The following GPSM2 variants were observed in gnomAD, a reference collection of about 807,000 sequenced individuals.
GPSM2 encodes G protein signaling modulator 2.
A neutral mutation model predicts 78.4 loss-of-function variants in GPSM2; 58 were observed. That is an observed-to-expected ratio of 0.74 (90% confidence interval 0.60 to 0.92). The LOEUF (loss-of-function observed/expected upper bound fraction) is 0.92, where lower values mean the gene tolerates loss of function less well. GPSM2 is among the 40% of genes least tolerant of loss of function. The probability of loss-of-function intolerance (pLI) is 0.00; values close to 1 mark genes in which losing one functional copy is unlikely to be tolerated. For synonymous variants in GPSM2, 224 were observed against 280.2 expected, an observed-to-expected ratio of 0.80 and a Z score of 2.00; for missense variants, 700 against 815.5, an observed-to-expected ratio of 0.86 and a Z score of 1.73.
intron 2 of GPSM2, among the ~76,000 whole-genome samples, chr1:108,891,040 A>G (rs1285608302): frequency 6.6e-6 from 1 of 152,184 alleles, no homozygotes; most frequent in African/African-American, 2.4e-5. Context: ...CTTCAGACCA[A>G]TCTGGGGTTG....
intron 14 of GPSM2, among the ~76,000 whole-genome samples, chr1:108,928,154 T>C (rs1651285140): frequency 6.6e-6 from 1 of 152,232 alleles, no homozygotes; most frequent in Non-Finnish European, 1.5e-5. Context: ...GGAAATCACA[T>C]ATCTGATAAA....
intron 7 of GPSM2, among the ~76,000 whole-genome samples, chr1:108,900,397 C>G (rs1429610285): frequency 6.6e-6 from 1 of 152,046 alleles, no homozygotes; most frequent in African/African-American, 2.4e-5. Flanking sequence ...TGCCACCACG[C>G]CCAGCTAATT....
chr1:108,930,870 GAC>G lies in GPSM2; in HGVS notation c.*932_*933del, dbSNP rs1039651006. The stretch of plus-strand genomic sequence containing the variant: ...CAAGCCACTGGACTCCAGCCTGAGT[GAC>G]AGAGCAAGACTCTGTCTCAAAAAAA... On this transcript the variant is annotated 3_prime_UTR_variant, in exon 15 of 15. Transcript: ENST00000264126. The G allele has an allele frequency of 1.4e-5, 2 of 147,730 alleles. No homozygotes were observed. The highest frequency in any genetic ancestry group is 5.2e-5 in the African/African-American group (2 of 38,332). 9.2% of individuals were successfully genotyped at this position (147,730 alleles called of 1,614,324 possible).
Position 108,910,815 on chromosome 1 carries a change from A to C in GPSM2, c.1193-3523A>C, listed in dbSNP as rs145333879. On this transcript the variant is annotated intron_variant, in intron 10 of 14. Transcript: ENST00000264126. ...GAGGCAGAGGTTGCAGTGAGCCGAG[A>C]TAGCACCACTGCACTCCAGCCTGGG... 9.7e-3 allele frequency among the ~76,000 whole-genome samples: 1,469 copies of C among 152,056 alleles called. 21 individuals are homozygous for C. The highest frequency in any genetic ancestry group is 0.034 in the African/African-American group (1,397 of 41,448).
intron 14 of GPSM2, among the ~76,000 whole-genome samples, chr1:108,928,213 C>T (rs1651291759): frequency 6.6e-6 from 1 of 152,100 alleles, no homozygotes; most frequent in Non-Finnish European, 1.5e-5. Context: ...CAACAAAAAC[C>T]AACCTGATTC....
intron 12 of GPSM2, among the ~76,000 whole-genome samples, chr1:108,921,654 A>G (rs1650718829): frequency 6.6e-6 from 1 of 152,148 alleles, no homozygotes; most frequent in Non-Finnish European, 1.5e-5. Flanking sequence ...TCAGTTCATA[A>G]TCAGTTGAAT....
chr1:108,896,404 CTGGA>C (rs1648371463), intron 2 of GPSM2, among the ~76,000 whole-genome samples: 1 of 151,934 alleles, frequency 6.6e-6, no homozygotes, highest in Admixed American at 6.6e-5. Flanking sequence ...GGATGGATGG[CTGGA>C]TGGTCAGAGG....
Position 108,930,045 on chromosome 1 carries a change from T to A in GPSM2, c.*105T>A, listed in dbSNP as rs1651658532. 2 of 1,018,058 alleles carry A rather than the reference T, an allele frequency of 2.0e-6. No individual in the cohort carries two copies. The highest frequency in any genetic ancestry group is 3.2e-5 in the African/African-American group (2 of 62,368). The allele number at this position is 1,018,058 out of a possible 1,614,324, so 63.1% of individuals were successfully genotyped here. ...TAGCACTGTAATACAGCTTAAAATATTTTTAGAATGATGTAAATAGTTAAC... is the reference window on the plus strand; with the variant it reads ...TAGCACTGTAATACAGCTTAAAATAATTTTAGAATGATGTAAATAGTTAAC... On this transcript the variant is annotated 3_prime_UTR_variant, in exon 15 of 15. Transcript: ENST00000264126.
chr1:108,877,291 G>A (rs1360742037), intron 1 of GPSM2, 63 bp downstream of exon 1: 2 of 152,372 alleles, frequency 1.3e-5, no homozygotes, highest in Non-Finnish European at 2.9e-5. Flanking sequence ...AGGTGACAGG[G>A]AGGGGTGCGT....
chr1:108,927,917 C>T (rs1651251476), intron 14 of GPSM2, among the ~76,000 whole-genome samples: 1 of 152,088 alleles, frequency 6.6e-6, no homozygotes, highest in Non-Finnish European at 1.5e-5. Context: ...GAGCCATGAT[C>T]ACGTCACTGT....
rs751874746 is a variant in GPSM2, at chr1:108,894,510, C to T, written c.57-2354C>T. ...GTCAGGAGATTGAGACCAGCCTGGC[C>T]AACATGGCAAAACCCTGTCTCTACT... is the stretch of plus-strand genomic sequence containing the variant. On this transcript the variant is annotated intron_variant, in intron 2 of 14. Coordinates refer to ENST00000264126, the MANE Select transcript of GPSM2 (RefSeq NM_013296.5). Among the ~76,000 whole-genome samples the T allele has an allele frequency of 4.3e-4, 65 of 152,228 alleles. 1 individual carries two copies. The highest frequency in any genetic ancestry group is 1.4e-3 in the Admixed American group (21 of 15,292).
chr1:108,923,164 CTGGGACTA>C (rs1490944300), intron 13 of GPSM2, among the ~76,000 whole-genome samples: 1 of 152,082 alleles, frequency 6.6e-6, no homozygotes, highest in Admixed American at 6.5e-5. Flanking sequence ...TCCCAAGTAA[CTGGGACTA>C]CAGGCACACA....
chr1:108,898,536 T>G (rs200858770), intron 5 of GPSM2, 106 bp from the exon 6 acceptor site: 4 of 1,012,472 alleles, frequency 4.0e-6, no homozygotes. Context: ...ATTATGGCTG[T>G]AAGCTTCCCT....
chr1:108,895,526 C>A (rs1348725626), intron 2 of GPSM2, among the ~76,000 whole-genome samples: 1 of 152,174 alleles, frequency 6.6e-6, no homozygotes, highest in African/African-American at 2.4e-5. Context: ...CACCTGAGCT[C>A]CGCCTCCTGT....
intron 7 of GPSM2, 147 bp from the exon 8 acceptor site, chr1:108,901,642 TG>T: frequency 1.5e-6 from 1 of 667,262 alleles, no homozygotes; most frequent in Non-Finnish European, 2.7e-6. Flanking sequence ...CTAAAAGTAA[TG>T]GAGAAAGTAC....
intron 10 of GPSM2, among the ~76,000 whole-genome samples, chr1:108,911,797 CAA>C (rs1649764071): frequency 1.1e-5 from 1 of 91,596 alleles, no homozygotes; most frequent in Admixed American, 1.4e-4. Flanking sequence ...AGTGGGAAGA[CAA>C]TTTTTTTTTT....
intron 1 of GPSM2, among the ~76,000 whole-genome samples, chr1:108,883,863 C>CT (rs1647299943): frequency 6.6e-6 from 1 of 152,000 alleles, no homozygotes; most frequent in Non-Finnish European, 1.5e-5. Context: ...TCTGCTTATT[C>CT]TTTCTTTAGC....
Position 108,898,070 on chromosome 1 carries a change from GA to G in GPSM2, c.527del (p.Asp176ValfsTer16). ...AGGAGAATTTCCAGAAGAAGTGAGA[GA>G]TGCTCTGCAGGCAGCCGTGGATTTT... ...DVGEFPEEVRDALQAAVDFYE... is the reference protein window; with the variant it reads ...DVGEFPEEVRXALQAAVDFYE... On this transcript the variant is annotated frameshift_variant, in exon 5 of 15. Transcript: ENST00000264126. LOFTEE classifies it high-confidence loss of function. 6.2e-7 allele frequency: 1 copy of G among 1,614,110 alleles called. No homozygotes were observed. The highest frequency in any genetic ancestry group is 1.7e-4 in the Middle Eastern group (1 of 6,058).
At position 108,931,014 on chromosome 1, in the gene GPSM2, T is replaced by G. The variant is rs1469925439; in HGVS notation, c.*1074T>G. ...CTGCACTGAGCTATGATCGTGCCACTGCACTCCAGCCTGGGTGACAGAGCA... is the reference window on the plus strand; with the variant it reads ...CTGCACTGAGCTATGATCGTGCCACGGCACTCCAGCCTGGGTGACAGAGCA... On this transcript the variant is annotated 3_prime_UTR_variant, in exon 15 of 15. Transcript: ENST00000264126. 4.9e-6 allele frequency: 1 copy of G among 204,298 alleles called. No individual in the cohort carries two copies. The highest frequency in any genetic ancestry group is 9.9e-6 in the Non-Finnish European group (1 of 100,878). The allele number at this position is 204,298 out of a possible 1,614,324, so 12.7% of individuals were successfully genotyped here. A position where few individuals can be genotyped will look rare whatever the true frequency, so the allele number is the denominator to read the frequency against.
Sources: gnomAD v4.1 joint callset for allele counts (sites outside exome capture counted in the v4.1 genomes callset) on GRCh38, gnomAD v4.1.1 for gene constraint, MANE v1.5 for transcripts, NCBI Gene and HGNC (gene_info 2026-07-23, HGNC 2026-07-21) for gene names.